The following UPF3B variants were observed in gnomAD, a reference collection of about 807,000 sequenced individuals.
UPF3B encodes UPF3B regulator of nonsense mediated mRNA decay, also known as regulator of nonsense transcripts 3B.
Under a neutral mutation model 40.3 loss-of-function variants are expected in UPF3B, and 7 were observed. The ratio of observed to expected loss-of-function variants is 0.17; its 90% CI spans 0.10 to 0.33. The LOEUF (loss-of-function observed/expected upper bound fraction) is 0.33. Among genes scored for constraint, UPF3B ranks in the 10% least tolerant of loss-of-function variants. The pLI is 1.00. For synonymous variants in UPF3B, 117 were observed against 117.3 expected, an observed-to-expected ratio of 1.00 and a Z score of 0.01; for missense variants, 229 against 358.9, an observed-to-expected ratio of 0.64 and a Z score of 2.93.
chrX:119,835,119 C>G (rs760494193), intron 10 of UPF3B, 92 bp from the exon 11 acceptor site: 24 of 1,063,838 alleles, frequency 2.3e-5, no homozygotes, highest in Middle Eastern at 3.2e-4. Flanking sequence ...TGAATATATG[C>G]TCAAGTGAAG....
chrX:119,835,849 T>C (rs7054910), intron 10 of UPF3B, among the ~76,000 whole-genome samples: 58 of 110,936 alleles, frequency 5.2e-4, no homozygotes, highest in African/African-American at 1.8e-3. Flanking sequence ...TGGTGATGCA[T>C]GCCTGTAGTC....
At chrX:119,812,517 T>A (rs1305246912) in intron 5 of UPF3B, among the ~76,000 whole-genome samples, 1 of 111,481 alleles carries the variant, frequency 9.0e-6, no homozygotes, top group East Asian at 2.8e-4. Context: ...TCAGGCATCA[T>A]AATTGACCAT....
At chrX:119,851,930 G>T in intron 1 of UPF3B, 57 bp from the exon 2 acceptor site, 3 of 812,091 alleles carry the variant, frequency 3.7e-6, no homozygotes, top group Non-Finnish European at 5.5e-6. Context: ...TGTCATACCT[G>T]AAAGAATCAC....
chrX:119,807,507 G>C, exon 6 of UPF3B: 1 of 871,309 alleles, frequency 1.1e-6, no homozygotes. Flanking sequence ...TCTCCAGATT[G>C]GTGCTGCCAT....
intron 3 of UPF3B, among the ~76,000 whole-genome samples, chrX:119,827,025 C>T (rs770395690): frequency 8.9e-6 from 1 of 111,780 alleles, no homozygotes; most frequent in African/African-American, 3.2e-5. Context: ...CAGAAAAATG[C>T]GCAGGAAAGT....
Position 119,851,764 on chromosome X carries a change from T to TTTTTTTTTTTTTTTTTA in UPF3B, c.263+2_263+3insTAAAAAAAAAAAAAAAA. ...ACCCCTTTCCTTTTTTTTTTTTTTT[T>TTTTTTTTTTTTTTTTTA]ACCTCGTATCATTAGAAAAAAACTC... On this transcript the variant is annotated splice_region_variant and intron_variant, in intron 2 of 10. Coordinates refer to ENST00000276201, the MANE Select transcript of UPF3B (RefSeq NM_080632.3). 2 of 968,488 alleles carry TTTTTTTTTTTTTTTTTA rather than the reference T, an allele frequency of 2.1e-6. No homozygotes were observed. The highest frequency in any genetic ancestry group is 2.8e-6 in the Non-Finnish European group (2 of 710,207). 79.8% of individuals were successfully genotyped at this position (968,488 alleles called of 1,213,427 possible). A position where few individuals can be genotyped will look rare whatever the true frequency, so the allele number is the denominator to read the frequency against.
At chrX:119,847,824 C>T (rs1181493828) in intron 3 of UPF3B, among the ~76,000 whole-genome samples, 2 of 110,595 alleles carry the variant, frequency 1.8e-5, no homozygotes, top group African/African-American at 3.3e-5. Flanking sequence ...TTCCATTTCT[C>T]GGTATATATC....
chrX:119,845,173 T>C lies in UPF3B; in HGVS notation c.469+25A>G, dbSNP rs199626167. 4.8e-5 allele frequency: 54 copies of C among 1,117,093 alleles called. No homozygotes were observed. In the African/African-American group the frequency reaches 9.0e-4, roughly 19 times the overall value. 92.1% of individuals were successfully genotyped at this position (1,117,093 alleles called of 1,213,427 possible). ...TTTTAAAAACCCCACAGCAATAGCA[T>C]TATATAATTAGAGCTATACTGTACC... is the stretch of plus-strand genomic sequence containing the variant. On this transcript the variant is annotated intron_variant, in intron 4 of 10. Transcript: ENST00000276201.
chrX:119,824,976 G>A (rs1332147482), intron 3 of UPF3B, among the ~76,000 whole-genome samples: 1 of 109,313 alleles, frequency 9.1e-6, no homozygotes, highest in East Asian at 2.9e-4. Flanking sequence ...CATGTTGGCC[G>A]TTCTGGTCTC....
At chrX:119,827,372 C>G (rs959107292) in intron 3 of UPF3B, among the ~76,000 whole-genome samples, 3 of 111,047 alleles carry the variant, frequency 2.7e-5, no homozygotes, top group Admixed American at 9.7e-5. Flanking sequence ...TCACTGCTTA[C>G]AAAGTGTCTT....
In UPF3B at chrX:119,842,485, C is replaced by T. The variant is rs372812516; in HGVS notation, c.580+706G>A. Among the ~76,000 whole-genome samples, 86 of 108,822 alleles carry T rather than the reference C, an allele frequency of 7.9e-4. 1 individual carries two copies. The East Asian group carries it at 0.022, about 28-fold the overall frequency. The allele number at this position is 108,822 out of a possible 115,157, so 94.5% of individuals were successfully genotyped here. The stretch of plus-strand genomic sequence containing the variant: ...GTACTTCCAGCTACTCGGGAGACTG[C>T]GGCAGAATCGCCTGAACCCAGGAGG... On this transcript the variant is annotated intron_variant, in intron 5 of 10. Coordinates refer to ENST00000276201, the MANE Select transcript of UPF3B (RefSeq NM_080632.3).
chrX:119,826,503 CA>C lies in UPF3B; in HGVS notation c.393-3461del, dbSNP rs2055980629. On this transcript the variant is annotated intron_variant, in intron 3 of 6. Coordinates refer to the UPF3B transcript ENST00000636792. Reference sequence around the variant, plus strand: ...TCTCAAAAAGAAAAAAAATAAACAGCAGAAACAACAGCCAACACCGACATCT... The same window carrying C: ...TCTCAAAAAGAAAAAAAATAAACAGCGAAACAACAGCCAACACCGACATCT... Among the ~76,000 whole-genome samples the C allele has an allele frequency of 3.6e-5, 4 of 110,974 alleles. No homozygotes were observed. The South Asian group carries it at 1.5e-3, about 42-fold the overall frequency.
At chrX:119,846,405 G>A (rs1026989359) in intron 3 of UPF3B, among the ~76,000 whole-genome samples, 9 of 106,899 alleles carry the variant, frequency 8.4e-5, no homozygotes, top group Admixed American at 8.1e-4. Context: ...GTGCACGCCT[G>A]TAATCCCAGC....
downstream of UPF3B, among the ~76,000 whole-genome samples, chrX:119,832,122 C>T (rs1331405238): frequency 9.0e-6 from 1 of 111,466 alleles, no homozygotes; most frequent in African/African-American, 3.3e-5. Flanking sequence ...CCACACTGGG[C>T]TAAGTTTTTA....
intron 4 of UPF3B, among the ~76,000 whole-genome samples, chrX:119,816,247 G>C (rs1313252452): frequency 1.8e-5 from 2 of 111,715 alleles, no homozygotes; most frequent in African/African-American, 6.5e-5. Flanking sequence ...CAGGAGTGAA[G>C]GCTCTCCTGT....
intron 3 of UPF3B, among the ~76,000 whole-genome samples, chrX:119,848,439 G>A (rs2056261627): frequency 9.0e-6 from 1 of 110,876 alleles, no homozygotes; most frequent in Non-Finnish European, 1.9e-5. Context: ...ACAGACACAA[G>A]GTATAATGGT....
intron 10 of UPF3B, among the ~76,000 whole-genome samples, chrX:119,836,456 T>A (rs2147781071): frequency 9.0e-6 from 1 of 111,506 alleles, no homozygotes; most frequent in Non-Finnish European, 1.9e-5. Flanking sequence ...TGTTAGTTTT[T>A]TTTGGTGTGA....
chrX:119,814,859 C>CTTTTTTT (rs140201169), intron 5 of UPF3B, among the ~76,000 whole-genome samples: 57 of 46,161 alleles, frequency 1.2e-3, no homozygotes, highest in East Asian at 3.6e-3. Context: ...TTCTTTCTTT[C>CTTTTTTT]TTTTTTTTTT....
chrX:119,819,412 G>A, intron 4 of UPF3B, among the ~76,000 whole-genome samples: 1 of 110,927 alleles, frequency 9.0e-6, no homozygotes, highest in Non-Finnish European at 1.9e-5. Context: ...AAAATGCCCA[G>A]GAAAGCTTCA....
Sources: gnomAD v4.1 joint callset for allele counts (sites outside exome capture counted in the v4.1 genomes callset) on GRCh38, gnomAD v4.1.1 for gene constraint, MANE v1.5 for transcripts, NCBI Gene and HGNC (gene_info 2026-07-23, HGNC 2026-07-21) for gene names.